The following CD8B variants were observed in gnomAD, a reference collection of about 807,000 sequenced individuals.
CD8B encodes T-cell surface glycoprotein CD8 beta chain.
In CD8B, 6 loss-of-function variants were observed where a neutral mutation model predicts 24.2. The observed-to-expected ratio is 0.25, with a 90% CI of 0.14 to 0.49. The LOEUF is 0.49. Ranked by LOEUF, CD8B falls within the 20% of genes least tolerant of loss-of-function variation. CD8B has a pLI of 0.98. For missense variants in CD8B, 196 were observed against 271.3 expected, an observed-to-expected ratio of 0.72 and a Z score of 1.95; for synonymous variants, 84 against 108.3, an observed-to-expected ratio of 0.78 and a Z score of 1.39.
chr2:86,856,143 C>G (rs900504776), intron 2 of CD8B, among the ~76,000 whole-genome samples: 1 of 152,190 alleles, frequency 6.6e-6, no homozygotes, highest in African/African-American at 2.4e-5. Context: ...TGGGGAGAAG[C>G]AGGTTTGGCT....
At chr2:86,833,541 C>T (rs569025578), downstream of CD8B, among the ~76,000 whole-genome samples, 20 of 125,288 alleles carry the variant, frequency 1.6e-4, no homozygotes, top group East Asian at 4.9e-3. Flanking sequence ...CTCCTCCCCT[C>T]CCGTCCGCTC....
Position 86,842,275 on chromosome 2 carries a change from T to C in CD8B, c.*32A>G. On this transcript the variant is annotated 3_prime_UTR_variant, in exon 6 of 6. Coordinates refer to ENST00000390655, the MANE Select transcript of CD8B (RefSeq NM_004931.5). ...GTGCTCGTTACTGACCGATGTCTTT[T>C]TGTAGCAGGACACCAAAACCGTATT... 1.3e-6 allele frequency: 2 copies of C among 1,581,624 alleles called. No homozygotes were observed. The highest frequency in any genetic ancestry group is 1.7e-6 in the Non-Finnish European group (2 of 1,166,052).
chr2:86,837,161 A>G (rs969516797), downstream of CD8B, among the ~76,000 whole-genome samples: 18 of 152,344 alleles, frequency 1.2e-4, no homozygotes, highest in Admixed American at 3.3e-4. Flanking sequence ...TGTCTCAAAC[A>G]ACAACAAAAT....
At chr2:86,855,098 G>C (rs1311839404) in intron 2 of CD8B, among the ~76,000 whole-genome samples, 1 of 151,804 alleles carries the variant, frequency 6.6e-6, no homozygotes, top group Admixed American at 6.6e-5. Flanking sequence ...TCCAGCCTGG[G>C]TGACAGTGAC....
At chr2:86,824,683 T>C (rs1401448205) in intron 5 of CD8B, among the ~76,000 whole-genome samples, 1 of 151,968 alleles carries the variant, frequency 6.6e-6, no homozygotes, top group African/African-American at 2.4e-5. Context: ...CCATCAGAGG[T>C]GGAAAGAAGG....
intron 3 of CD8B, among the ~76,000 whole-genome samples, chr2:86,848,157 C>T (rs2104556083): frequency 6.6e-6 from 1 of 152,300 alleles, no homozygotes; most frequent in South Asian, 2.1e-4. Flanking sequence ...AACTACTAAA[C>T]CACAGACTTT....
At chr2:86,833,991 T>G (rs1488625372), downstream of CD8B, among the ~76,000 whole-genome samples, 2 of 152,166 alleles carry the variant, frequency 1.3e-5, no homozygotes, top group Non-Finnish European at 2.9e-5. Context: ...CTACACGATA[T>G]TTTTGGGTAT....
chr2:86,852,825 G>A (rs149826361), intron 3 of CD8B, among the ~76,000 whole-genome samples, 172 bp downstream of exon 3: 89 of 152,094 alleles, frequency 5.9e-4, no homozygotes, highest in Non-Finnish European at 1.1e-3. Context: ...TGTCTCCCAC[G>A]AGACTGTGAG....
intron 5 of CD8B, among the ~76,000 whole-genome samples, chr2:86,820,525 A>C (rs1186873585): frequency 6.6e-6 from 1 of 152,138 alleles, no homozygotes; most frequent in African/African-American, 2.4e-5. Context: ...TTATTTTTTG[A>C]TTAAGACGTA....
Position 86,841,027 on chromosome 2 carries a change from C to T in CD8B, c.*1280G>A, listed in dbSNP as rs1159379485. Among the ~76,000 whole-genome samples, 4 of 151,944 alleles carry T rather than the reference C, an allele frequency of 2.6e-5. No individual in the cohort carries two copies. Among genetic ancestry groups the T allele is most frequent in the South Asian group, 2.1e-4 (1 of 4,804 alleles). ...AGGCTGGATTCTCCCTGGACCTGGA[C>T]GTGGTGCTTCTGTTAATGCAGCCTC... On this transcript the variant is annotated 3_prime_UTR_variant, in exon 6 of 6. Coordinates refer to ENST00000390655, the MANE Select transcript of CD8B (RefSeq NM_004931.5).
downstream of CD8B, among the ~76,000 whole-genome samples, chr2:86,836,778 A>G (rs537222480): frequency 7.8e-4 from 118 of 152,252 alleles, no homozygotes; most frequent in African/African-American, 2.7e-3. Flanking sequence ...GCACACCCCC[A>G]AGGAAGAGGA....
At chr2:86,817,509 T>C (rs1674300046) in intron 5 of CD8B, among the ~76,000 whole-genome samples, 1 of 152,110 alleles carries the variant, frequency 6.6e-6, no homozygotes, top group Non-Finnish European at 1.5e-5. Context: ...TTGAATGAAA[T>C]AAGCAAATTT....
At chr2:86,825,884 G>T (rs1237009694) in intron 5 of CD8B, among the ~76,000 whole-genome samples, 1 of 152,004 alleles carries the variant, frequency 6.6e-6, no homozygotes, top group Non-Finnish European at 1.5e-5. Context: ...GCTCAACATG[G>T]TGTCAGCTGC....
chr2:86,831,264 A>G (rs1558751150), intron 5 of CD8B, among the ~76,000 whole-genome samples: 1 of 152,126 alleles, frequency 6.6e-6, no homozygotes. Context: ...AACGGGTTTC[A>G]CCATATTGGC....
intron 5 of CD8B, among the ~76,000 whole-genome samples, chr2:86,823,865 T>C (rs1163018704): frequency 6.6e-6 from 1 of 152,092 alleles, no homozygotes; most frequent in Non-Finnish European, 1.5e-5. Context: ...CAGGGCCTCC[T>C]GGACAGGCTG....
Position 86,858,273 on chromosome 2 carries a change from T to C in CD8B, c.187A>G (p.Ser63Gly). Residue 63 changes from serine (S) to glycine (G), a missense_variant, in exon 2 of 6, where the codon AGT (serine) becomes GGT (glycine). Ser to Gly is a moderately conservative substitution (Grantham distance 56, BLOSUM62 0). Transcript: ENST00000390655. Reference sequence around the variant, plus strand: ...GCCAGGAACTCGTGGTGACTGTCACTGCTCGGTGCCTGGCGCTGTCTCAGC... The same window carrying C: ...GCCAGGAACTCGTGGTGACTGTCACCGCTCGGTGCCTGGCGCTGTCTCAGC... ...YWLRQRQAPSSDSHHEFLALW... is the reference protein window; with the variant it reads ...YWLRQRQAPSGDSHHEFLALW... The C allele has an allele frequency of 6.2e-7, 1 of 1,614,026 alleles. No homozygotes were observed. Among genetic ancestry groups the C allele is most frequent in the Admixed American group, 1.7e-5 (1 of 60,022 alleles).
At chr2:86,842,917 A>G (rs1675503557) in intron 5 of CD8B, among the ~76,000 whole-genome samples, 1 of 152,056 alleles carries the variant, frequency 6.6e-6, no homozygotes, top group Non-Finnish European at 1.5e-5. Context: ...CCCTGCCTCA[A>G]GCTGATCCTG....
At chr2:86,820,065 C>T (rs1456373773) in intron 5 of CD8B, among the ~76,000 whole-genome samples, 2 of 152,140 alleles carry the variant, frequency 1.3e-5, no homozygotes, top group African/African-American at 4.8e-5. Flanking sequence ...GTTGCAATCC[C>T]GTGATCAAAC....
chr2:86,851,676 T>C (rs1460501035), intron 3 of CD8B, among the ~76,000 whole-genome samples: 1 of 152,206 alleles, frequency 6.6e-6, no homozygotes, highest in African/African-American at 2.4e-5. Context: ...TGCGAGGCAG[T>C]GCTCCAGGGG....
Sources: allele counts gnomAD v4.1 joint callset (sites outside exome capture counted in the v4.1 genomes callset), GRCh38; gene constraint gnomAD v4.1.1; transcripts MANE v1.5; gene names NCBI Gene and HGNC (gene_info 2026-07-23, HGNC 2026-07-21).